Variants in ARL15 observed in about 807,000 individuals in gnomAD.
ARL15 encodes the protein ARF like GTPase 15, also known as ADP-ribosylation factor-like protein 15.
Under a neutral mutation model 25.2 loss-of-function variants are expected in ARL15, and 19 were observed. The ratio of observed to expected loss-of-function variants is 0.75; its 90% CI spans 0.53 to 1.10. The LOEUF (loss-of-function observed/expected upper bound fraction) is 1.10, where lower values mean the gene tolerates loss of function less well. Ranked by LOEUF, ARL15 falls within the 50% of genes least tolerant of loss-of-function variation. ARL15 has a pLI of 0.00. For missense variants in ARL15, 220 were observed against 246.0 expected, an observed-to-expected ratio of 0.89 and a Z score of 0.71; for synonymous variants, 94 against 86.8, an observed-to-expected ratio of 1.08 and a Z score of -0.46.
At chr5:54,224,016 A>C (rs1756448992) in intron 1 of ARL15, among the ~76,000 whole-genome samples, 1 of 152,158 alleles carries the variant, frequency 6.6e-6, no homozygotes. Flanking sequence ...CATCATCCAC[A>C]AACAGACATG....
chr5:53,937,497 G>C (rs1012613447), intron 4 of ARL15, among the ~76,000 whole-genome samples: 30 of 152,144 alleles, frequency 2.0e-4, no homozygotes, highest in Non-Finnish European at 4.4e-5. Flanking sequence ...TTTCAGTCAA[G>C]GATGGGCTGC....
At chr5:53,891,090 T>G (rs1744692418) in intron 4 of ARL15, among the ~76,000 whole-genome samples, 1 of 152,244 alleles carries the variant, frequency 6.6e-6, no homozygotes, top group Non-Finnish European at 1.5e-5. Flanking sequence ...AGTTTTGAAC[T>G]TCAATAACAA....
intron 4 of ARL15, among the ~76,000 whole-genome samples, chr5:54,006,843 C>A (rs1382654226): frequency 6.6e-6 from 1 of 152,046 alleles, no homozygotes; most frequent in Admixed American, 6.6e-5. Context: ...GCAATGTCAG[C>A]ACTTTGGGAG....
chr5:53,903,133 T>G, intron 4 of ARL15, among the ~76,000 whole-genome samples: 1 of 152,114 alleles, frequency 6.6e-6, no homozygotes, highest in Non-Finnish European at 1.5e-5. Context: ...CACACAGGAC[T>G]AGTTGAGCTC....
chr5:54,234,003 T>C (rs1436269219), intron 1 of ARL15, among the ~76,000 whole-genome samples: 1 of 152,204 alleles, frequency 6.6e-6, no homozygotes, highest in African/African-American at 2.4e-5. Context: ...AATGGGTTTA[T>C]TTTTATTTAT....
In ARL15 at chr5:53,886,267, GCA is replaced by G. The variant is rs1387346647; in HGVS notation, c.*292_*293del. ...TAAGCCATGAATTCCATCCGTTTCA[GCA>G]CAGAGTATAGAAGAGATGCTTAGAA... is the stretch of plus-strand genomic sequence containing the variant. On this transcript the variant is annotated 3_prime_UTR_variant, in exon 5 of 5. Coordinates refer to ENST00000504924, the MANE Select transcript of ARL15 (RefSeq NM_019087.3). 4.5e-6 allele frequency: 1 copy of G among 221,830 alleles called. No individual in the cohort carries two copies. Among genetic ancestry groups the G allele is most frequent in the Non-Finnish European group, 8.8e-6 (1 of 114,026 alleles). 13.7% of individuals were successfully genotyped at this position (221,830 alleles called of 1,614,324 possible). A position where few individuals can be genotyped will look rare whatever the true frequency, so the allele number is the denominator to read the frequency against.
At chr5:54,117,480 G>A (rs1044199926) in intron 3 of ARL15, among the ~76,000 whole-genome samples, 1 of 151,624 alleles carries the variant, frequency 6.6e-6, no homozygotes, top group African/African-American at 2.4e-5. Flanking sequence ...TATATTAATA[G>A]TGAAAAGATC....
chr5:54,273,196 AT>A (rs751174087), intron 1 of ARL15, among the ~76,000 whole-genome samples: 52 of 152,214 alleles, frequency 3.4e-4, no homozygotes, highest in Non-Finnish European at 8.8e-5. Context: ...AAAATAAGAG[AT>A]ATAGTAGGCT....
At chr5:54,188,172 G>A (rs1158546256) in intron 1 of ARL15, among the ~76,000 whole-genome samples, 2 of 152,026 alleles carry the variant, frequency 1.3e-5, no homozygotes, top group East Asian at 3.9e-4. Flanking sequence ...TCATATTTAT[G>A]GTTAGCAATA....
intron 4 of ARL15, among the ~76,000 whole-genome samples, chr5:53,961,396 G>T (rs1190255259): frequency 6.6e-6 from 1 of 151,248 alleles, no homozygotes; most frequent in African/African-American, 2.4e-5. Flanking sequence ...TACTCGGGAG[G>T]CTGAGGCAGG....
intron 4 of ARL15, among the ~76,000 whole-genome samples, chr5:54,020,400 A>G (rs1208419756): frequency 6.6e-6 from 1 of 152,156 alleles, no homozygotes; most frequent in Non-Finnish European, 1.5e-5. Context: ...GAAGGCTGGT[A>G]AGGAGCCTGA....
At chr5:54,307,487 C>A (rs1445068050) in intron 1 of ARL15, among the ~76,000 whole-genome samples, 1 of 152,158 alleles carries the variant, frequency 6.6e-6, no homozygotes, top group Non-Finnish European at 1.5e-5. Flanking sequence ...TTCTTTCTCT[C>A]GACTGAAATC....
intron 4 of ARL15, among the ~76,000 whole-genome samples, chr5:53,925,649 T>A (rs929617792): frequency 6.6e-6 from 1 of 152,242 alleles, no homozygotes; most frequent in Middle Eastern, 3.4e-3. Context: ...ATTATATATA[T>A]GTTATTTTTT....
chr5:54,188,547 G>GGACAAATTA (rs1610896), intron 1 of ARL15, among the ~76,000 whole-genome samples: 1 of 151,766 alleles, frequency 6.6e-6, no homozygotes, highest in Non-Finnish European at 1.5e-5. Flanking sequence ...AATTAGACAT[G>GGACAAATTA]GACAGTATTT....
intron 4 of ARL15, among the ~76,000 whole-genome samples, chr5:54,026,241 C>T (rs1749783225): frequency 6.6e-6 from 1 of 152,168 alleles, no homozygotes; most frequent in Admixed American, 6.5e-5. Context: ...TAATCTGTCA[C>T]ATACCAAAAT....
At chr5:54,126,517 C>CT (rs1753256336) in intron 3 of ARL15, among the ~76,000 whole-genome samples, 1 of 152,210 alleles carries the variant, frequency 6.6e-6, no homozygotes, top group Admixed American at 6.5e-5. Flanking sequence ...CTCTTTGAAA[C>CT]TTTTAAAACT....
intron 2 of ARL15, among the ~76,000 whole-genome samples, chr5:54,164,589 T>C (rs1754512514): frequency 6.6e-6 from 1 of 152,120 alleles, no homozygotes; most frequent in Non-Finnish European, 1.5e-5. Context: ...CCTGAATAAA[T>C]GATCCCTTCA....
intron 4 of ARL15, among the ~76,000 whole-genome samples, chr5:54,071,656 G>GA (rs1386119417): frequency 1.3e-5 from 2 of 152,008 alleles, no homozygotes; most frequent in East Asian, 3.9e-4. Context: ...CTGTGTCAGG[G>GA]AAAGTGGAAG....
chr5:54,084,604 C>T (rs978243609), intron 4 of ARL15, among the ~76,000 whole-genome samples: 7 of 152,118 alleles, frequency 4.6e-5, no homozygotes, highest in Non-Finnish European at 7.3e-5. Context: ...CCCAGATGCA[C>T]AAAGTTGTGG....
Sources: allele counts gnomAD v4.1 joint callset (sites outside exome capture counted in the v4.1 genomes callset), GRCh38; gene constraint gnomAD v4.1.1; transcripts MANE v1.5; gene names NCBI Gene and HGNC (gene_info 2026-07-23, HGNC 2026-07-21).